The following GHR variants were observed in gnomAD, a reference collection of about 807,000 sequenced individuals.
GHR encodes the protein growth hormone receptor.
A neutral mutation model predicts 67.1 loss-of-function variants in GHR; 35 were observed. That is an observed-to-expected ratio of 0.52 (90% CI 0.40 to 0.69). The LOEUF (loss-of-function observed/expected upper bound fraction) is 0.69. Ranked by LOEUF, GHR falls within the 30% of genes least tolerant of loss-of-function variation. GHR has a pLI of 0.00. For missense variants in GHR, 792 were observed against 764.6 expected (o/e 1.04, Z -0.42); for synonymous variants, 272 against 269.1 (o/e 1.01, Z -0.10).
chr5:42,715,314 A>G (rs1758667373), intron 8 of GHR, among the ~76,000 whole-genome samples: 1 of 152,220 alleles, frequency 6.6e-6, no homozygotes, highest in Non-Finnish European at 1.5e-5. Flanking sequence ...TGGACAGAAC[A>G]TGTAGTTCCA....
chr5:42,584,782 T>A (rs979471368), intron 2 of GHR, among the ~76,000 whole-genome samples: 1 of 131,340 alleles, frequency 7.6e-6, no homozygotes, highest in African/African-American at 3.6e-5. Context: ...TTAACTAGAA[T>A]GTATACACAC....
intron 3 of GHR, among the ~76,000 whole-genome samples, chr5:42,680,461 T>A (rs545057079): frequency 6.6e-6 from 1 of 152,222 alleles, no homozygotes; most frequent in East Asian, 1.9e-4. Context: ...CTTTTTTTTT[T>A]AATTCCATGA....
intron 1 of GHR, among the ~76,000 whole-genome samples, chr5:42,543,059 A>G (rs34442254): frequency 0.012 from 1,805 of 152,222 alleles, 11 homozygotes; most frequent in Non-Finnish European, 0.018. Flanking sequence ...AGTTGTTTCT[A>G]CATCTTTGCA....
At chr5:42,646,024 A>T (rs1298197917) in intron 3 of GHR, among the ~76,000 whole-genome samples, 2 of 152,214 alleles carry the variant, frequency 1.3e-5, no homozygotes, top group Non-Finnish European at 2.9e-5. Context: ...TACAACCAGG[A>T]GGTATGTGCC....
rs144677440 is a variant in GHR, at chr5:42,637,146, G to A, written c.136+8043G>A. 2.0e-5 allele frequency among the ~76,000 whole-genome samples: 3 copies of A among 152,126 alleles called. No individual in the cohort carries two copies. The East Asian group carries it at 5.8e-4, about 29-fold the overall frequency. ...TAAAGTTTTATTGGACCACACCCAT[G>A]CCTGTTTGTTTCAGATTGTGTTTAC... On this transcript the variant is annotated intron_variant, in intron 3 of 9. Coordinates refer to ENST00000230882, the MANE Select transcript of GHR (RefSeq NM_000163.5).
intron 1 of GHR, among the ~76,000 whole-genome samples, chr5:42,563,488 G>A (rs1180156999): frequency 1.3e-5 from 2 of 151,896 alleles, no homozygotes. Flanking sequence ...CGCGGTGGCG[G>A]GCGCCTGTAG....
chr5:42,571,903 T>C (rs566785308), intron 2 of GHR, among the ~76,000 whole-genome samples: 52 of 152,296 alleles, frequency 3.4e-4, no homozygotes, highest in African/African-American at 1.2e-3. Context: ...TACCTGTTCA[T>C]AGACACACCT....
At chr5:42,481,191 T>C (rs1231938697) in intron 1 of GHR, among the ~76,000 whole-genome samples, 1 of 152,174 alleles carries the variant, frequency 6.6e-6, no homozygotes, top group Non-Finnish European at 1.5e-5. Flanking sequence ...AAAATTCTTT[T>C]CTTTAAGAAT....
At chr5:42,442,066 G>C (rs1026822255) in intron 1 of GHR, among the ~76,000 whole-genome samples, 6 of 152,282 alleles carry the variant, frequency 3.9e-5, no homozygotes, top group Admixed American at 3.9e-4. Flanking sequence ...AGGTGTGTTT[G>C]ATGTGGTGAA....
intron 1 of GHR, among the ~76,000 whole-genome samples, chr5:42,478,079 T>A (rs1200633113): frequency 6.6e-6 from 1 of 152,196 alleles, no homozygotes; most frequent in South Asian, 2.1e-4. Flanking sequence ...AAGGAAGGGA[T>A]CCAGTTTCAG....
intron 3 of GHR, among the ~76,000 whole-genome samples, chr5:42,665,784 G>T (rs1025214631): frequency 6.6e-6 from 1 of 152,012 alleles, no homozygotes; most frequent in African/African-American, 2.4e-5. Flanking sequence ...AGGTTTAATG[G>T]ACTCACAGTT....
At chr5:42,600,672 A>T (rs997366654) in intron 2 of GHR, among the ~76,000 whole-genome samples, 1 of 152,072 alleles carries the variant, frequency 6.6e-6, no homozygotes, top group Non-Finnish European at 1.5e-5. Flanking sequence ...ATGAATATCA[A>T]CTCTGCCTTT....
Position 42,713,454 on chromosome 5 carries a change from T to A in GHR, c.810T>A (p.Ile270=). ...EEDFYFPWLL[I]IIFGIFGLTV... is the part of the protein sequence containing the mutation. The stretch of plus-strand genomic sequence containing the variant: ...ATTTCTACTTTCCATGGCTCTTAAT[T>A]ATTATCTTTGGAATATTTGGGCTAA... The change falls in exon 8 of 10, where the codon ATT becomes ATA. Residue 270 remains isoleucine, a synonymous_variant. Transcript: ENST00000230882. 6.7e-7 allele frequency: 1 copy of A among 1,481,566 alleles called. No individual in the cohort carries two copies. The highest frequency in any genetic ancestry group is 9.4e-7 in the Non-Finnish European group (1 of 1,061,946). The allele number at this position is 1,481,566 out of a possible 1,614,324, so 91.8% of individuals were successfully genotyped here.
At chr5:42,492,292 G>A (rs1022282570) in intron 1 of GHR, among the ~76,000 whole-genome samples, 1 of 152,104 alleles carries the variant, frequency 6.6e-6, no homozygotes, top group Non-Finnish European at 1.5e-5. Context: ...CTAATACTGA[G>A]GAATGAGAAG....
At chr5:42,716,177 A>C (rs561773508) in intron 8 of GHR, among the ~76,000 whole-genome samples, 1 of 152,054 alleles carries the variant, frequency 6.6e-6, no homozygotes, top group Admixed American at 6.6e-5. Context: ...ATCAAAAAAA[A>C]AAAAACAAAA....
intron 1 of GHR, among the ~76,000 whole-genome samples, chr5:42,510,632 C>T (rs188519433): frequency 6.6e-6 from 1 of 152,320 alleles, no homozygotes; most frequent in East Asian, 1.9e-4. Context: ...TGGGAGATAA[C>T]AGGAAGGCAG....
chr5:42,526,804 AAAAG>A (rs1361512144), intron 1 of GHR, among the ~76,000 whole-genome samples: 2 of 152,202 alleles, frequency 1.3e-5, no homozygotes, highest in East Asian at 3.8e-4. Flanking sequence ...AGGTCAAAAT[AAAAG>A]AAAGAATGTT....
intron 5 of GHR, among the ~76,000 whole-genome samples, chr5:42,697,640 C>T (rs1001091562): frequency 1.3e-5 from 2 of 152,068 alleles, no homozygotes; most frequent in East Asian, 1.9e-4. Context: ...ACAGAGTGAG[C>T]GAGGAGACTG....
chr5:42,443,725 G>T (rs758721758), intron 1 of GHR, among the ~76,000 whole-genome samples: 17 of 152,174 alleles, frequency 1.1e-4, no homozygotes, highest in South Asian at 1.0e-3. Context: ...CCAGAGAAGA[G>T]CTCATGTTGC....
Sources: allele counts gnomAD v4.1 joint callset (sites outside exome capture counted in the v4.1 genomes callset), GRCh38; gene constraint gnomAD v4.1.1; transcripts MANE v1.5; gene names NCBI Gene and HGNC (gene_info 2026-07-23, HGNC 2026-07-21).